The following ZNF264 variants were observed in gnomAD, a reference collection of about 807,000 sequenced individuals.
The protein encoded by ZNF264 is zinc finger protein 264.
Under a neutral mutation model 11.2 loss-of-function variants are expected in ZNF264, and 11 were observed. The observed-to-expected ratio is 0.98, with a 90% CI of 0.62 to 1.63. The LOEUF (loss-of-function observed/expected upper bound fraction) is 1.63. Ranked by LOEUF, ZNF264 falls within the 40% of genes most tolerant of loss-of-function variation. ZNF264 has a pLI of 0.00. For synonymous variants in ZNF264, 309 were observed against 279.8 expected, an observed-to-expected ratio of 1.10 and a Z score of -1.04; for missense variants, 752 against 768.1, an observed-to-expected ratio of 0.98 and a Z score of 0.25.
rs35800667 is a variant in ZNF264 at position 57,222,346 on chromosome 19, C to CAAAA, written c.*9384_*9387dup. ...TGGGTGACAGAGTGAGACTGTGTCT[C>CAAAA]AAAAAAAAAAAAAAAAAAAAAATGC... On this transcript the variant is annotated 3_prime_UTR_variant, in exon 4 of 4. Coordinates refer to ENST00000263095, the MANE Select transcript of ZNF264 (RefSeq NM_003417.5). The CAAAA allele has an allele frequency of 4.9e-5, 5 of 102,974 alleles. No individual in the cohort carries two copies. The highest frequency in any genetic ancestry group is 3.2e-4 in the East Asian group (1 of 3,150). The allele number at this position is 102,974 out of a possible 1,614,324, so 6.4% of individuals were successfully genotyped here.
chr19:57,209,681 A>G (rs182762958), intron 3 of ZNF264, among the ~76,000 whole-genome samples: 11 of 152,244 alleles, frequency 7.2e-5, no homozygotes, highest in Admixed American at 2.6e-4. Flanking sequence ...GGCTGAAGCA[A>G]TCCTCCCATG....
intron 2 of ZNF264, among the ~76,000 whole-genome samples, chr19:57,204,888 G>C (rs2087280578): frequency 6.6e-6 from 1 of 152,094 alleles, no homozygotes; most frequent in Non-Finnish European, 1.5e-5. Context: ...GGCAGGACCT[G>C]GGCCTTACTG....
chr19:57,208,869 T>C (rs573639117), intron 3 of ZNF264, among the ~76,000 whole-genome samples: 1 of 152,360 alleles, frequency 6.6e-6, no homozygotes, highest in African/African-American at 2.4e-5. Flanking sequence ...GCTCATCAAA[T>C]GGACACAGAA....
chr19:57,217,512 G>A lies in ZNF264; in HGVS notation c.*4531G>A, dbSNP rs2087388356. 1 of 152,024 alleles carries A rather than the reference G, an allele frequency of 6.6e-6. No individual in the cohort carries two copies. Among genetic ancestry groups the A allele is most frequent in the South Asian group, 2.1e-4 (1 of 4,814 alleles). 9.4% of individuals were successfully genotyped at this position (152,024 alleles called of 1,614,324 possible). A position where few individuals can be genotyped will look rare whatever the true frequency, so the allele number is the denominator to read the frequency against. On this transcript the variant is annotated 3_prime_UTR_variant, in exon 4 of 4. Transcript: ENST00000263095. ...GGCTCTCTGCAACCTCTGCCTCCCG[G>A]GTTCAAGCAATTAACTGCCTCAGCT...
At chr19:57,198,667 G>C (rs1452013717) in intron 2 of ZNF264, among the ~76,000 whole-genome samples, 3 of 151,850 alleles carry the variant, frequency 2.0e-5, no homozygotes, top group African/African-American at 7.3e-5. Flanking sequence ...TTTAACTGGA[G>C]GACCACAATG....
intron 2 of ZNF264, among the ~76,000 whole-genome samples, chr19:57,200,684 G>A (rs913531984): frequency 6.6e-6 from 1 of 151,420 alleles, no homozygotes; most frequent in East Asian, 1.9e-4. Context: ...GCACAATCTC[G>A]GCTCACTGCC....
Position 57,212,690 on chromosome 19 carries a change from T to C in ZNF264, c.1593T>C (p.Ile531=). The change falls in exon 4 of 4, where the codon ATT becomes ATC. Residue 531 remains isoleucine (I), a synonymous_variant. Coordinates refer to ENST00000263095, the MANE Select transcript of ZNF264 (RefSeq NM_003417.5). ...GCACAAACCTCATTCGACATGCCAT[T>C]ATCCACACTGGAGAGAAGCCCTATA... ...CWSTNLIRHA[I]IHTGEKPYKC... 1.2e-6 allele frequency: 2 copies of C among 1,611,300 alleles called. No individual in the cohort carries two copies. The highest frequency in any genetic ancestry group is 2.2e-5 in the East Asian group (1 of 44,632).
At chr19:57,192,050 G>T in intron 1 of ZNF264, 104 bp downstream of exon 1, 1 of 1,145,088 alleles carries the variant, frequency 8.7e-7, no homozygotes. Flanking sequence ...CTTCGCAGTC[G>T]TCGTTCGCTT....
Position 57,193,963 on chromosome 19 carries a change from A to G in ZNF264, c.122A>G (p.Glu41Gly). ...LDLAQRTLYQ[E>G]VMLENCGLLV... is the part of the protein sequence containing the mutation. The stretch of plus-strand genomic sequence containing the variant: ...CTAGCTCAGCGGACCCTGTACCAGG[A>G]GGTGATGCTGGAAAACTGTGGGCTC... Residue 41 changes from glutamate to glycine, a missense_variant, in exon 2 of 4, where the codon GAG (glutamate) becomes GGG (glycine). Transcript: ENST00000263095. 1 of 1,613,542 alleles carries G rather than the reference A, an allele frequency of 6.2e-7. No homozygotes were observed.
chr19:57,209,311 A>G (rs906727665), intron 3 of ZNF264, among the ~76,000 whole-genome samples: 12 of 152,100 alleles, frequency 7.9e-5, no homozygotes, highest in African/African-American at 1.2e-4. Flanking sequence ...AGTGAGGTTG[A>G]TTTGGAATAT....
At chr19:57,195,032 G>T in intron 2 of ZNF264, 1 of 378,878 alleles carries the variant, frequency 2.6e-6, no homozygotes, top group East Asian at 3.8e-5. Context: ...AACACAGGAT[G>T]GGAAGCCTTC....
intron 3 of ZNF264, among the ~76,000 whole-genome samples, chr19:57,207,490 G>A (rs191897408): frequency 7.1e-6 from 1 of 141,262 alleles, no homozygotes; most frequent in African/African-American, 2.6e-5. Flanking sequence ...TATTCTGCTT[G>A]TTTTGTGATT....
rs1815080200 is a variant in ZNF264 at position 57,222,000 on chromosome 19, A to C, written c.*9019A>C. ...AGTCAAATTTACGTAACATTAAGCA[A>C]ATAATTTTTTTTCAGCAAAAAAATA... On this transcript the variant is annotated 3_prime_UTR_variant, in exon 4 of 4. Transcript: ENST00000263095. The C allele has an allele frequency of 6.6e-6, 1 of 152,170 alleles. No individual in the cohort carries two copies. The highest frequency in any genetic ancestry group is 2.4e-5 in the African/African-American group (1 of 41,434). The allele number at this position is 152,170 out of a possible 1,614,324, so 9.4% of individuals were successfully genotyped here.
chr19:57,217,319 T>C lies in ZNF264; in HGVS notation c.*4338T>C, dbSNP rs1361051763. On this transcript the variant is annotated 3_prime_UTR_variant, in exon 4 of 4. Transcript: ENST00000263095. ...ATAAGTTATCAGCAATTTAGCACTTTACTTCCATTAGGTTCCTTTAGCTTA... is the reference window on the plus strand; with the variant it reads ...ATAAGTTATCAGCAATTTAGCACTTCACTTCCATTAGGTTCCTTTAGCTTA... 6.6e-6 allele frequency: 1 copy of C among 152,262 alleles called. No individual in the cohort carries two copies. Among genetic ancestry groups the C allele is most frequent in the Non-Finnish European group, 1.5e-5 (1 of 68,044 alleles). The allele number at this position is 152,262 out of a possible 1,614,324, so 9.4% of individuals were successfully genotyped here.
chr19:57,206,736 T>TA (rs2087295943), intron 3 of ZNF264, among the ~76,000 whole-genome samples: 1 of 151,616 alleles, frequency 6.6e-6, no homozygotes, highest in Non-Finnish European at 1.5e-5. Context: ...TCTTTCCACT[T>TA]ATATTCTGCC....
intron 2 of ZNF264, among the ~76,000 whole-genome samples, chr19:57,195,834 C>A (rs926594357): frequency 2.6e-5 from 4 of 151,752 alleles, no homozygotes; most frequent in African/African-American, 9.7e-5. Context: ...GTTGTGTCTC[C>A]TGGTGGCAGC....
chr19:57,194,361 A>G (rs570566002), intron 2 of ZNF264, among the ~76,000 whole-genome samples: 3 of 152,258 alleles, frequency 2.0e-5, no homozygotes, highest in South Asian at 2.1e-4. Context: ...TCTATTCTCT[A>G]TGGCTTTTTC....
At position 57,213,028 on chromosome 19, in the gene ZNF264, T is replaced by C; in HGVS notation, c.*47T>C. 2.6e-6 allele frequency: 4 copies of C among 1,551,446 alleles called. No homozygotes were observed. Among genetic ancestry groups the C allele is most frequent in the Non-Finnish European group, 3.5e-6 (4 of 1,147,994 alleles). On this transcript the variant is annotated 3_prime_UTR_variant, in exon 4 of 4. Transcript: ENST00000263095. ...ATTACTTGTCATCTGAAGAGTCATA[T>C]TAGAAATTCGTTCAGTCTAGAGCCT...
At chr19:57,210,369 G>T (rs1316363231) in intron 3 of ZNF264, among the ~76,000 whole-genome samples, 3 of 152,184 alleles carry the variant, frequency 2.0e-5, no homozygotes, top group Non-Finnish European at 2.9e-5. Context: ...CAAAGCCGTT[G>T]TCAGGTTCAC....
Sources: allele counts gnomAD v4.1 joint callset (sites outside exome capture counted in the v4.1 genomes callset), GRCh38; gene constraint gnomAD v4.1.1; transcripts MANE v1.5; gene names NCBI Gene and HGNC (gene_info 2026-07-23, HGNC 2026-07-21).